SEMA4D: variants seen among roughly 807,000 people sequenced by gnomAD.
SEMA4D encodes the protein semaphorin 4D, also known as semaphorin-4D.
A neutral mutation model predicts 74.8 loss-of-function variants in SEMA4D; 22 were observed. That is an observed-to-expected ratio of 0.29 (90% CI 0.21 to 0.42). The LOEUF (loss-of-function observed/expected upper bound fraction) is 0.42, where lower values mean the gene tolerates loss of function less well. SEMA4D is among the 10% of genes least tolerant of loss of function. SEMA4D has a pLI of 1.00. For synonymous variants in SEMA4D, 445 were observed against 463.7 expected, an observed-to-expected ratio of 0.96 and a Z score of 0.52; for missense variants, 937 against 1,118.4, an observed-to-expected ratio of 0.84 and a Z score of 2.31.
intron 2 of SEMA4D, among the ~76,000 whole-genome samples, chr9:89,417,423 G>A (rs1453816644): frequency 6.6e-6 from 1 of 152,038 alleles, no homozygotes; most frequent in Non-Finnish European, 1.5e-5. Context: ...AACCATGAAG[G>A]TCTAAGCTGG....
At chr9:89,468,008 A>G (rs1859198433) in intron 1 of SEMA4D, among the ~76,000 whole-genome samples, 1 of 100,722 alleles carries the variant, frequency 9.9e-6, no homozygotes. Flanking sequence ...TGCAGCAGAA[A>G]GAGAGTCAGC....
intron 2 of SEMA4D, among the ~76,000 whole-genome samples, chr9:89,428,146 C>T (rs1248288097): frequency 6.6e-6 from 1 of 152,166 alleles, no homozygotes. Context: ...GTCTGACCAC[C>T]GCTGACCTGT....
chr9:89,457,242 A>AG (rs200563452), intron 1 of SEMA4D, among the ~76,000 whole-genome samples: 3 of 148,238 alleles, frequency 2.0e-5, no homozygotes, highest in Non-Finnish European at 2.9e-5. Context: ...AGCGCCTGAC[A>AG]GGTGGGGAGC....
intron 1 of SEMA4D, among the ~76,000 whole-genome samples, chr9:89,490,363 CA>C (rs1248333986): frequency 6.6e-6 from 1 of 152,178 alleles, no homozygotes; most frequent in African/African-American, 2.4e-5. Flanking sequence ...AGGAGCTAGA[CA>C]AAAGAGTATG....
intron 18 of SEMA4D, among the ~76,000 whole-genome samples, chr9:89,363,267 T>TCCC (rs67247190): frequency 1.5e-4 from 22 of 151,670 alleles, no homozygotes; most frequent in African/African-American, 2.7e-4. Context: ...ACGTGGGATT[T>TCCC]CCCCCCCCAG....
At chr9:89,385,866 G>GGGGGGGGGCCCCCCCCCCCCCCC in intron 13 of SEMA4D, 1 of 196,226 alleles carries the variant, frequency 5.1e-6, no homozygotes, top group Non-Finnish European at 9.0e-6. Flanking sequence ...CAGCGTGGAT[G>GGGGGGGGGCCCCCCCCCCCCCCC]CCCGCCCACC....
At chr9:89,377,210 T>TC, downstream of SEMA4D, 8 of 1,095,540 alleles carry the variant, frequency 7.3e-6, no homozygotes, top group South Asian at 4.7e-5. Flanking sequence ...CTGCACAGCC[T>TC]CCGCTAAGGA....
intron 2 of SEMA4D, among the ~76,000 whole-genome samples, chr9:89,433,145 G>A (rs898288846): frequency 4.6e-5 from 7 of 152,230 alleles, no homozygotes; most frequent in Non-Finnish European, 4.4e-5. Flanking sequence ...TCTTCACAGG[G>A]ACTTCTCACC....
chr9:89,418,956 G>A (rs1381438605), intron 2 of SEMA4D: 3 of 123,198 alleles, frequency 2.4e-5, no homozygotes, highest in Non-Finnish European at 5.5e-5. Flanking sequence ...TGGGAAGGAG[G>A]CGGCTCTCCC....
At chr9:89,390,731 C>T (rs1361751059) in intron 9 of SEMA4D, among the ~76,000 whole-genome samples, 4 of 152,188 alleles carry the variant, frequency 2.6e-5, no homozygotes, top group African/African-American at 9.7e-5. Context: ...AATCCACCTC[C>T]TGGAAACTGC....
At chr9:89,439,655 C>T (rs1587898908) in intron 2 of SEMA4D, among the ~76,000 whole-genome samples, 1 of 152,230 alleles carries the variant, frequency 6.6e-6, no homozygotes, top group African/African-American at 2.4e-5. Context: ...CCATTTCCAT[C>T]TAAAAGGTGT....
chr9:89,377,003 C>T (rs758645481), downstream of SEMA4D: 4 of 1,549,076 alleles, frequency 2.6e-6, no homozygotes, highest in African/African-American at 4.1e-5. Flanking sequence ...ATGGCCCAGA[C>T]AGGACAGGGA....
At chr9:89,471,041 T>C (rs1010757346) in intron 1 of SEMA4D, among the ~76,000 whole-genome samples, 1 of 152,258 alleles carries the variant, frequency 6.6e-6, no homozygotes, top group Admixed American at 6.5e-5. Context: ...TGTGTATTAA[T>C]TTTAAAAGTA....
At position 89,381,311 on chromosome 9, in the gene SEMA4D, G is replaced by T. The variant is rs1317914694; in HGVS notation, c.1482C>A (p.Gly494=). ...AGAAGGCCAGCGGGGCCTGGACCAC[G>T]CCCGAGTTAGAGCCAGCATAGACAA... ...NRFVYAGSNS[G]VVQAPLAFCG... is the part of the protein sequence containing the mutation. Residue 494 remains glycine (G), a synonymous_variant, in exon 14 of 16, where the codon GGC becomes GGA. Coordinates refer to ENST00000422704, the MANE Select transcript of SEMA4D (RefSeq NM_001371194.2). The surrounding 1 kb of genome is among the most constrained non-coding windows in gnomAD (Gnocchi z 4.6). 1.3e-6 allele frequency: 2 copies of T among 1,530,680 alleles called. No individual in the cohort carries two copies. The highest frequency in any genetic ancestry group is 2.4e-5 in the South Asian group (2 of 81,662). 94.8% of individuals were successfully genotyped at this position (1,530,680 alleles called of 1,614,324 possible).
rs569682851 is a variant in SEMA4D at position 89,474,508 on chromosome 9, T to TC, written c.-309-18556dup. Among the ~76,000 whole-genome samples the TC allele has an allele frequency of 1.4e-4, 22 of 152,346 alleles. No homozygotes were observed. In the East Asian group the frequency reaches 2.1e-3, roughly 15 times the overall value. On this transcript the variant is annotated intron_variant, in intron 1 of 15. Coordinates refer to ENST00000422704, the MANE Select transcript of SEMA4D (RefSeq NM_001371194.2). ...CGTAAACTGCGTTTACATGAGTTTT[T>TC]CTCTGTATGACCAGAAGCACTAAAA... is the stretch of plus-strand genomic sequence containing the variant.
downstream of SEMA4D, chr9:89,376,952 G>A (rs202211452): frequency 2.5e-3 from 3,924 of 1,550,636 alleles, 7 homozygotes; most frequent in Non-Finnish European, 3.2e-3. Flanking sequence ...ACCCGAGGCT[G>A]GCCAGGGGGT....
chr9:89,438,159 A>T (rs1214641705), intron 2 of SEMA4D, among the ~76,000 whole-genome samples: 1 of 152,246 alleles, frequency 6.6e-6, no homozygotes. Flanking sequence ...GGTGCACTGT[A>T]GAGAATACTC....
In SEMA4D at chr9:89,474,837, G is replaced by A. The variant is rs575841998; in HGVS notation, c.-309-18884C>T. ...AGGCCAAGCTGGGTTCAAGACCGGA[G>A]ACTCTGCTCTCAGGTCTGTGACTGT... is the stretch of plus-strand genomic sequence containing the variant. On this transcript the variant is annotated intron_variant, in intron 1 of 15. Coordinates refer to ENST00000422704, the MANE Select transcript of SEMA4D (RefSeq NM_001371194.2). 5.3e-5 allele frequency among the ~76,000 whole-genome samples: 8 copies of A among 152,350 alleles called. No individual in the cohort carries two copies. In the East Asian group the frequency reaches 1.3e-3, roughly 26 times the overall value.
rs184895447 is a variant in SEMA4D, at chr9:89,445,644, C to T, written c.-244+10244G>A. Among the ~76,000 whole-genome samples the T allele has an allele frequency of 4.6e-3, 706 of 152,248 alleles. 14 individuals carry two copies. In the Middle Eastern group the frequency reaches 0.048, roughly 10 times the overall value. On this transcript the variant is annotated intron_variant, in intron 2 of 15. Transcript: ENST00000422704. ...AGAGATTTATTATGTGCTCGGCTCACGTGATTATGGATCTGTCATCCACAA... is the reference window on the plus strand; with the variant it reads ...AGAGATTTATTATGTGCTCGGCTCATGTGATTATGGATCTGTCATCCACAA...
Sources: gnomAD v4.1 joint callset for allele counts (sites outside exome capture counted in the v4.1 genomes callset) on GRCh38, gnomAD v4.1.1 for gene constraint, Gnocchi (gnomAD v3.1) non-coding constraint, MANE v1.5 for transcripts, NCBI Gene and HGNC (gene_info 2026-07-23, HGNC 2026-07-21) for gene names.